Variants in PGCKA1 observed in about 807,000 individuals in gnomAD.
PGCKA1 encodes the protein PDCD10 and GCKIII kinases associated 1.
At chr4:37,532,997 A>G in the PGCKA1 span, among the ~76,000 whole-genome samples, 1 of 152,216 alleles carries the variant, frequency 6.6e-6, no homozygotes, top group African/African-American at 2.4e-5. Flanking sequence ...ATAAAAGACT[A>G]CAAATGTGGT....
chr4:37,564,335 A>G, the PGCKA1 span, among the ~76,000 whole-genome samples: 5 of 151,816 alleles, frequency 3.3e-5, no homozygotes, highest in Non-Finnish European at 5.9e-5. Flanking sequence ...TGCCATGAAC[A>G]TGCAAACGGC....
the PGCKA1 span, among the ~76,000 whole-genome samples, chr4:37,582,511 G>T: frequency 6.6e-6 from 1 of 152,144 alleles, no homozygotes; most frequent in Non-Finnish European, 1.5e-5. Context: ...GCAGTGCATC[G>T]GCTGTCATGT....
the PGCKA1 span, among the ~76,000 whole-genome samples, chr4:37,473,944 G>A: frequency 4.6e-5 from 7 of 152,028 alleles, no homozygotes; most frequent in East Asian, 5.8e-4. Context: ...GCAGTCTATC[G>A]GTGCTCCACC....
At chr4:37,574,444 ATTT>A in the PGCKA1 span, among the ~76,000 whole-genome samples, 13 of 131,532 alleles carry the variant, frequency 9.9e-5, no homozygotes, top group African/African-American at 5.2e-4. Context: ...ATTTATTTTT[ATTT>A]TAAGTTTTTA....
At chr4:37,517,834 C>T in the PGCKA1 span, among the ~76,000 whole-genome samples, 1 of 152,174 alleles carries the variant, frequency 6.6e-6, no homozygotes, top group African/African-American at 2.4e-5. Flanking sequence ...CTTGTGCTAT[C>T]AAATATTAGG....
the PGCKA1 span, among the ~76,000 whole-genome samples, chr4:37,562,645 C>T: frequency 6.6e-6 from 1 of 152,170 alleles, no homozygotes; most frequent in African/African-American, 2.4e-5. Flanking sequence ...CCACCTTTGC[C>T]CACAAGCCTT....
chr4:37,589,735 G>A, the PGCKA1 span, among the ~76,000 whole-genome samples: 3 of 152,112 alleles, frequency 2.0e-5, no homozygotes, highest in African/African-American at 4.8e-5. Context: ...AGGTTCAAGC[G>A]ATTCTCCTAT....
At chr4:37,502,231 G>A in the PGCKA1 span, among the ~76,000 whole-genome samples, 3 of 152,204 alleles carry the variant, frequency 2.0e-5, no homozygotes, top group African/African-American at 7.2e-5. Flanking sequence ...GCAGTGCAAC[G>A]GGGTGCATGA....
the PGCKA1 span, among the ~76,000 whole-genome samples, chr4:37,467,336 G>A: frequency 6.6e-6 from 1 of 152,126 alleles, no homozygotes; most frequent in South Asian, 2.1e-4. Flanking sequence ...GATTATAGGG[G>A]CATTTACAAA....
the PGCKA1 span, among the ~76,000 whole-genome samples, chr4:37,500,525 G>A: frequency 6.6e-6 from 1 of 152,214 alleles, no homozygotes; most frequent in African/African-American, 2.4e-5. Flanking sequence ...GCTGAAGGGT[G>A]TTTCATATCT....
chr4:37,464,764 T>G, the PGCKA1 span, among the ~76,000 whole-genome samples: 5 of 152,218 alleles, frequency 3.3e-5, no homozygotes, highest in Non-Finnish European at 7.3e-5. Context: ...TACTTAAATA[T>G]CTGTCCAGGG....
At chr4:37,500,780 T>C in the PGCKA1 span, among the ~76,000 whole-genome samples, 4 of 152,256 alleles carry the variant, frequency 2.6e-5, no homozygotes, top group African/African-American at 9.6e-5. Flanking sequence ...CCTTAAGAAC[T>C]TGCTTTATGA....
the PGCKA1 span, among the ~76,000 whole-genome samples, chr4:37,484,283 C>T: frequency 6.6e-6 from 1 of 152,098 alleles, no homozygotes; most frequent in Non-Finnish European, 1.5e-5. Context: ...GTGAAAGGCA[C>T]ATCTTACATG....
the PGCKA1 span, among the ~76,000 whole-genome samples, chr4:37,465,041 T>G: frequency 5.3e-5 from 8 of 152,324 alleles, no homozygotes; most frequent in African/African-American, 1.9e-4. Context: ...TGATTCTCAG[T>G]TCCATGAAGA....
At chr4:37,587,311 TG>T in the PGCKA1 span, among the ~76,000 whole-genome samples, 2 of 152,124 alleles carry the variant, frequency 1.3e-5, no homozygotes, top group African/African-American at 4.8e-5. Context: ...ACCTTTAATT[TG>T]GGGGCTGGGG....
At chr4:37,523,038 C>T in the PGCKA1 span, among the ~76,000 whole-genome samples, 7 of 151,998 alleles carry the variant, frequency 4.6e-5, no homozygotes, top group South Asian at 1.5e-3. Flanking sequence ...CTCTAATTCA[C>T]CATTAGGACT....
At chr4:37,562,628 T>C in the PGCKA1 span, among the ~76,000 whole-genome samples, 1 of 152,236 alleles carries the variant, frequency 6.6e-6, no homozygotes, top group South Asian at 2.1e-4. Context: ...CCAGAACCAC[T>C]GTCTGCCCAC....
chr4:37,527,834 A>C, the PGCKA1 span, among the ~76,000 whole-genome samples: 1 of 151,838 alleles, frequency 6.6e-6, no homozygotes, highest in Admixed American at 6.6e-5. Flanking sequence ...GTCTCAAAAA[A>C]AAAAAAATAC....
chr4:37,501,666 C>G, the PGCKA1 span, among the ~76,000 whole-genome samples: 1 of 152,212 alleles, frequency 6.6e-6, no homozygotes, highest in South Asian at 2.1e-4. Flanking sequence ...GTAACAAATT[C>G]CCTCAGCATT....
Sources: gnomAD v4.1 joint callset for allele counts (sites outside exome capture counted in the v4.1 genomes callset) on GRCh38, gnomAD v4.1.1 for gene constraint, MANE v1.5 for transcripts, NCBI Gene and HGNC (gene_info 2026-07-23, HGNC 2026-07-21) for gene names.